CAPN12: variants seen among roughly 807,000 people sequenced by gnomAD.
CAPN12 encodes calpain 12, also known as calpain-12.
In CAPN12, 107 loss-of-function variants were observed where a neutral mutation model predicts 95.0. That is an observed-to-expected ratio of 1.13 (90% CI 0.96 to 1.32). The LOEUF is 1.32. Ranked by LOEUF, CAPN12 falls within the 40% of genes most tolerant of loss-of-function variation. The probability of loss-of-function intolerance (pLI) is 0.00; values close to 1 mark genes in which losing one functional copy is unlikely to be tolerated. For missense variants in CAPN12, 1,136 were observed against 997.8 expected, an observed-to-expected ratio of 1.14 and a Z score of -1.87; for synonymous variants, 505 against 415.5, an observed-to-expected ratio of 1.22 and a Z score of -2.62.
At chr19:38,737,659 A>G (rs1222201873) in intron 8 of CAPN12, 21 bp from the exon 9 acceptor site, 1 of 1,544,228 alleles carries the variant, frequency 6.5e-7, no homozygotes. Flanking sequence ...GCCCAGTCAG[A>G]CCCTGCCCGG....
rs1006497834 is a variant in CAPN12, at chr19:38,730,764, A to T, written c.*88T>A. 4.8e-6 allele frequency: 7 copies of T among 1,472,820 alleles called. No homozygotes were observed. The highest frequency in any genetic ancestry group is 3.9e-5 in the Admixed American group (2 of 50,838). The allele number at this position is 1,472,820 out of a possible 1,614,324, so 91.2% of individuals were successfully genotyped here. Reference sequence around the variant, plus strand: ...AGCCCCAGACAGGTGGATGCCAGAGAGAGTGGCACCCATGCCAGGCAAGGC... The same window carrying T: ...AGCCCCAGACAGGTGGATGCCAGAGTGAGTGGCACCCATGCCAGGCAAGGC... On this transcript the variant is annotated 3_prime_UTR_variant, in exon 21 of 21. Coordinates refer to ENST00000328867, the MANE Select transcript of CAPN12 (RefSeq NM_144691.4).
rs1393963664 is a variant in CAPN12 at position 38,737,472 on chromosome 19, C to G, written c.1129+3G>C. On this transcript the variant is annotated splice_donor_region_variant and intron_variant, in intron 9 of 20. Coordinates refer to ENST00000328867, the MANE Select transcript of CAPN12 (RefSeq NM_144691.4). ...AAGCCTCTCAGGGCCCCTCAGGCCT[C>G]ACCAGCATTAGGCTGGCTCCCGCCG... is the stretch of plus-strand genomic sequence containing the variant. The G allele has an allele frequency of 6.2e-7, 1 of 1,612,774 alleles. No individual in the cohort carries two copies. Among genetic ancestry groups the G allele is most frequent in the East Asian group, 2.2e-5 (1 of 44,874 alleles).
rs372619691 is a variant in CAPN12 at position 38,737,651 on chromosome 19, C to G, written c.966-13G>C. 1 of 1,560,232 alleles carries G rather than the reference C, an allele frequency of 6.4e-7. No homozygotes were observed. The highest frequency in any genetic ancestry group is 1.4e-5 in the African/African-American group (1 of 73,846). On this transcript the variant is annotated splice_polypyrimidine_tract_variant and intron_variant, in intron 8 of 20. Transcript: ENST00000328867. Reference sequence around the variant, plus strand: ...CCGCAGCTCCATCCTGCACGGTGGCCCAGTCAGACCCTGCCCGGCCCCACC... The same window carrying G: ...CCGCAGCTCCATCCTGCACGGTGGCGCAGTCAGACCCTGCCCGGCCCCACC...
At chr19:38,732,392 C>T (rs1969690100) in intron 18 of CAPN12, among the ~76,000 whole-genome samples, 1 of 152,302 alleles carries the variant, frequency 6.6e-6, no homozygotes, top group African/African-American at 2.4e-5. Context: ...AGTACAATGG[C>T]ATGATCTTGG....
Position 38,737,585 on chromosome 19 carries a change from A to G in CAPN12, c.1019T>C (p.Leu340Pro). 5 of 1,612,154 alleles carry G rather than the reference A, an allele frequency of 3.1e-6. No individual in the cohort carries two copies. Among genetic ancestry groups the G allele is most frequent in the Non-Finnish European group, 4.2e-6 (5 of 1,179,730 alleles). The stretch of plus-strand genomic sequence containing the variant: ...GCTGGGGCCCAGCACCTCCGGGCTC[A>G]GCGAGCAGATCTGCACGGTGTCGAA... ...LHFDTVQICSLSPEVLGPSPE... is the reference protein window; with the variant it reads ...LHFDTVQICSPSPEVLGPSPE... Residue 340 changes from leucine to proline, a missense_variant, in exon 9 of 21, where the codon CTG (leucine) becomes CCG (proline). Transcript: ENST00000328867.
At position 38,735,643 on chromosome 19, in the gene CAPN12, G is replaced by A. The variant is rs563538602; in HGVS notation, c.1584-99C>T. On this transcript the variant is annotated intron_variant, in intron 12 of 20. Coordinates refer to ENST00000328867, the MANE Select transcript of CAPN12 (RefSeq NM_144691.4). ...TGAGGAATCGCGTGGGGTCTAGGTAGGGACCGTGGAGCCCTGGGCTCATCC... is the reference window on the plus strand; with the variant it reads ...TGAGGAATCGCGTGGGGTCTAGGTAAGGACCGTGGAGCCCTGGGCTCATCC... 6.9e-5 allele frequency: 76 copies of A among 1,106,618 alleles called. 1 individual carries two copies. The African/African-American group carries it at 1.3e-3, about 19-fold the overall frequency. The allele number at this position is 1,106,618 out of a possible 1,614,324, so 68.5% of individuals were successfully genotyped here.
At chr19:38,742,850 CAA>C (rs11406594) in intron 2 of CAPN12, among the ~76,000 whole-genome samples, 181 bp downstream of exon 2, 10 of 53,292 alleles carry the variant, frequency 1.9e-4, no homozygotes, top group Middle Eastern at 0.02. Context: ...GACCCCATCT[CAA>C]AAAAAAAAAA....
chr19:38,735,955 G>T (rs1414420045), intron 12 of CAPN12, among the ~76,000 whole-genome samples, 155 bp downstream of exon 12: 4 of 13,076 alleles, frequency 3.1e-4, no homozygotes, highest in Non-Finnish European at 8.5e-4. Context: ...GGCGGGGCGG[G>T]GGTTCTGGGG....
intron 2 of CAPN12, among the ~76,000 whole-genome samples, 183 bp downstream of exon 2, chr19:38,742,850 C>CAAAA (rs11406594): frequency 2.8e-4 from 15 of 53,268 alleles, no homozygotes; most frequent in African/African-American, 5.5e-4. Context: ...GACCCCATCT[C>CAAAA]AAAAAAAAAA....
intron 17 of CAPN12, 177 bp from the exon 18 acceptor site, chr19:38,733,958 G>A: frequency 1.3e-6 from 1 of 795,076 alleles, no homozygotes; most frequent in Non-Finnish European, 2.0e-6. Flanking sequence ...ATGGGAATAA[G>A]AGCAATGACC....
At position 38,737,620 on chromosome 19, in the gene CAPN12, G is replaced by A. The variant is rs753915944; in HGVS notation, c.984C>T (p.Phe328=). The part of the protein sequence containing the change: ...DGEFWMELRD[F]LLHFDTVQIC... ...TCTGCACGGTGTCGAAATGGAGGAG[G>A]AAGTCCCGCAGCTCCATCCTGCACG... is the stretch of plus-strand genomic sequence containing the variant. The change falls in exon 9 of 21, where the codon TTC becomes TTT. Residue 328 remains phenylalanine (F), a synonymous_variant. Transcript: ENST00000328867. 6 of 1,605,982 alleles carry A rather than the reference G, an allele frequency of 3.7e-6. No homozygotes were observed. Among genetic ancestry groups the A allele is most frequent in the Non-Finnish European group, 5.1e-6 (6 of 1,176,080 alleles).
At chr19:38,735,258 A>AT (rs1275436885) in intron 14 of CAPN12, 112 bp downstream of exon 14, 9 of 1,058,876 alleles carry the variant, frequency 8.5e-6, no homozygotes, top group Non-Finnish European at 1.2e-5. Flanking sequence ...TTAAGCCCGG[A>AT]GGGAGGAAAA....
intron 1 of CAPN12, among the ~76,000 whole-genome samples, chr19:38,743,405 C>T (rs1765255266): frequency 2.5e-5 from 2 of 79,930 alleles, no homozygotes; most frequent in African/African-American, 4.3e-5. Flanking sequence ...AGTCCAGGTC[C>T]CGAGCCCCTC....
rs1200948462 is a variant in CAPN12 at position 38,730,716 on chromosome 19, G to C, written c.*136C>G. On this transcript the variant is annotated 3_prime_UTR_variant, in exon 21 of 21. Coordinates refer to ENST00000328867, the MANE Select transcript of CAPN12 (RefSeq NM_144691.4). ...CGCAGGCCAGAGTGGTCACCCGGCC[G>C]TGAGCAGTGAGGGCCAGAGACTAGC... 1.8e-6 allele frequency: 2 copies of C among 1,105,422 alleles called. No homozygotes were observed. Among genetic ancestry groups the C allele is most frequent in the African/African-American group, 1.6e-5 (1 of 64,476 alleles). The allele number at this position is 1,105,422 out of a possible 1,614,324, so 68.5% of individuals were successfully genotyped here.
chr19:38,731,672 T>C (rs1969626344), intron 18 of CAPN12: 1 of 202,012 alleles, frequency 5.0e-6, no homozygotes, highest in East Asian at 1.1e-4. Context: ...TGGAGGCTTT[T>C]AAAAACCCAA....
In CAPN12 at chr19:38,732,190, GCCTGCCA is replaced by G. The variant is rs1197813346; in HGVS notation, c.1958-974_1958-968del. On this transcript the variant is annotated intron_variant, in intron 18 of 20. Coordinates refer to ENST00000328867, the MANE Select transcript of CAPN12 (RefSeq NM_144691.4). ...ACTGGTGCCAGATGCGTGAACACAA[GCCTGCCA>G]CCTGCCACCTGCTGTGAGTCCTTGC... Among the ~76,000 whole-genome samples, 10 of 152,214 alleles carry G rather than the reference GCCTGCCA, an allele frequency of 6.6e-5. No individual in the cohort carries two copies. The South Asian group carries it at 1.2e-3, about 19-fold the overall frequency.
At chr19:38,734,070 C>T in intron 17 of CAPN12, 72 bp downstream of exon 17, 4 of 1,550,386 alleles carry the variant, frequency 2.6e-6, no homozygotes, top group Non-Finnish European at 8.8e-7. Flanking sequence ...ACCTGATAGC[C>T]CACAGGGTGC....
At chr19:38,740,566 G>A (rs972778924) in intron 4 of CAPN12, among the ~76,000 whole-genome samples, 7 of 152,264 alleles carry the variant, frequency 4.6e-5, no homozygotes, top group Admixed American at 1.3e-4. Flanking sequence ...TTGGGAAGCC[G>A]AGGCAAGTGG....
Position 38,731,138 on chromosome 19 carries a change from C to A in CAPN12, c.2043G>T (p.Val681=). The change falls in exon 19 of 21, where the codon GTG becomes GTT. Residue 681 remains valine (V), a synonymous_variant. Coordinates refer to ENST00000328867, the MANE Select transcript of CAPN12 (RefSeq NM_144691.4). The part of the protein sequence containing the change: ...SRLRVDFERF[V]SCVAHLTCIF... ...TGCAGGTGAGGTGGGCCACACAGGA[C>A]ACGAACCGCTCGAAGTCCACACGCA... 6.2e-7 allele frequency: 1 copy of A among 1,612,872 alleles called. No individual in the cohort carries two copies. The highest frequency in any genetic ancestry group is 1.7e-4 in the Middle Eastern group (1 of 6,048).
Sources: gnomAD v4.1 joint callset for allele counts (sites outside exome capture counted in the v4.1 genomes callset) on GRCh38, gnomAD v4.1.1 for gene constraint, MANE v1.5 for transcripts, NCBI Gene and HGNC (gene_info 2026-07-23, HGNC 2026-07-21) for gene names.